SCMH1: variants seen among roughly 807,000 people sequenced by gnomAD.
SCMH1 encodes the protein polycomb protein SCMH1.
Under a neutral mutation model 70.8 loss-of-function variants are expected in SCMH1, and 37 were observed. That is an observed-to-expected ratio of 0.52 (90% CI 0.40 to 0.69). The LOEUF (loss-of-function observed/expected upper bound fraction) is 0.69. Among genes scored for constraint, SCMH1 ranks in the 30% least tolerant of loss-of-function variants. The pLI is 0.00. For synonymous variants in SCMH1, 292 were observed against 307.4 expected (o/e 0.95, Z 0.52); for missense variants, 607 against 827.3 (o/e 0.73, Z 3.27).
At chr1:41,174,904 G>A (rs899602821) in intron 2 of SCMH1, among the ~76,000 whole-genome samples, 3 of 152,166 alleles carry the variant, frequency 2.0e-5, no homozygotes, top group Non-Finnish European at 2.9e-5. Context: ...CCTGGGGAAG[G>A]GGCTAGTGTG....
At chr1:41,067,458 C>CAAAAAAAAAAA (rs60607308) in intron 10 of SCMH1, among the ~76,000 whole-genome samples, 5 of 60,302 alleles carry the variant, frequency 8.3e-5, no homozygotes, top group East Asian at 4.2e-4. Context: ...ACAACAACAA[C>CAAAAAAAAAAA]AAAAAAAAAA....
chr1:41,032,211 G>C (rs558629205), intron 13 of SCMH1, among the ~76,000 whole-genome samples: 1 of 152,228 alleles, frequency 6.6e-6, no homozygotes, highest in East Asian at 1.9e-4. Context: ...AGCCCAAATG[G>C]ACTAAGACGA....
At chr1:41,027,797 G>A (rs1346610922) in exon 15 of SCMH1, 41 of 184,156 alleles carry the variant, frequency 2.2e-4, no homozygotes, top group Non-Finnish European at 2.2e-5. Flanking sequence ...TTTGGATTCA[G>A]GGGAATCTGG....
intron 6 of SCMH1, among the ~76,000 whole-genome samples, chr1:41,119,445 A>C (rs540302913): frequency 2.3e-3 from 185 of 81,038 alleles, no homozygotes; most frequent in African/African-American, 0.017. Flanking sequence ...GGGCAAAAAA[A>C]AAACAAAAAA....
intron 8 of SCMH1, among the ~76,000 whole-genome samples, chr1:41,087,165 G>C (rs1264212435): frequency 6.6e-6 from 1 of 152,100 alleles, no homozygotes; most frequent in Non-Finnish European, 1.5e-5. Context: ...TGGAACAATG[G>C]ATGGCCACTG....
At chr1:41,167,214 C>T (rs907908870) in intron 2 of SCMH1, among the ~76,000 whole-genome samples, 3 of 152,004 alleles carry the variant, frequency 2.0e-5, no homozygotes, top group East Asian at 3.9e-4. Flanking sequence ...TAATATACTA[C>T]GGAATATGGT....
At chr1:41,147,800 C>A (rs1036389947) in intron 5 of SCMH1, among the ~76,000 whole-genome samples, 3 of 152,018 alleles carry the variant, frequency 2.0e-5, no homozygotes, top group Non-Finnish European at 2.9e-5. Context: ...ATTAATATAG[C>A]CATTTCAGCT....
intron 1 of SCMH1, among the ~76,000 whole-genome samples, chr1:41,188,090 A>C (rs1650736670): frequency 6.6e-6 from 1 of 152,230 alleles, no homozygotes; most frequent in South Asian, 2.1e-4. Context: ...TAATGGCACT[A>C]AGGGGCTGGA....
intron 8 of SCMH1, among the ~76,000 whole-genome samples, chr1:41,103,453 AT>A (rs1481134628): frequency 6.6e-6 from 1 of 152,146 alleles, no homozygotes; most frequent in Non-Finnish European, 1.5e-5. Flanking sequence ...AAGGGAAGAA[AT>A]TTAGTAACAC....
intron 8 of SCMH1, among the ~76,000 whole-genome samples, chr1:41,081,879 A>C (rs1422799438): frequency 6.6e-6 from 1 of 152,174 alleles, no homozygotes; most frequent in African/African-American, 2.4e-5. Context: ...ACAGAGCAAA[A>C]TAGAGAGTTC....
chr1:41,107,911 T>G (rs1413877422), intron 8 of SCMH1, among the ~76,000 whole-genome samples: 1 of 152,222 alleles, frequency 6.6e-6, no homozygotes, highest in African/African-American at 2.4e-5. Flanking sequence ...AAGAGAACAT[T>G]CTTTAAGTAT....
intron 1 of SCMH1, among the ~76,000 whole-genome samples, chr1:41,214,720 C>G (rs1400021345): frequency 6.6e-6 from 1 of 152,034 alleles, no homozygotes; most frequent in African/African-American, 2.4e-5. Context: ...AATCTTTTCC[C>G]ATTATACCCT....
intron 5 of SCMH1, among the ~76,000 whole-genome samples, chr1:41,148,388 T>C (rs1231303152): frequency 6.6e-6 from 1 of 152,204 alleles, no homozygotes; most frequent in Non-Finnish European, 1.5e-5. Flanking sequence ...TATCATTTTC[T>C]TTCTGCTTGA....
At position 41,091,512 on chromosome 1, in the gene SCMH1, A is replaced by G. The variant is rs190941209; in HGVS notation, c.746-16061T>C. ...CCCTCTCTCACCACTCCTATTCAACATAGTGTTGGAAGTTCTGGCCAGGGC... is the reference window on the plus strand; with the variant it reads ...CCCTCTCTCACCACTCCTATTCAACGTAGTGTTGGAAGTTCTGGCCAGGGC... On this transcript the variant is annotated intron_variant, in intron 8 of 14. Coordinates refer to ENST00000337495, the Ensembl canonical transcript of SCMH1. Among the ~76,000 whole-genome samples, 410 of 152,336 alleles carry G rather than the reference A, an allele frequency of 2.7e-3. 1 individual carries two copies. The highest frequency in any genetic ancestry group is 9.5e-3 in the African/African-American group (396 of 41,582).
chr1:41,037,570 C>A (rs1276976230), intron 12 of SCMH1, 29 bp from the exon 13 acceptor site: 1 of 1,599,150 alleles, frequency 6.3e-7, no homozygotes. Context: ...AGAGTTAGAG[C>A]TTAGAAGGAC....
chr1:41,135,910 T>C (rs1643231299), intron 6 of SCMH1, among the ~76,000 whole-genome samples: 1 of 152,134 alleles, frequency 6.6e-6, no homozygotes. Flanking sequence ...TGGTGCTTAC[T>C]GTAGGTGCAG....
chr1:41,179,967 A>G (rs1276917078), intron 2 of SCMH1, among the ~76,000 whole-genome samples: 1 of 152,236 alleles, frequency 6.6e-6, no homozygotes, highest in African/African-American at 2.4e-5. Flanking sequence ...AATCCTCAAT[A>G]AAACACTGGC....
At chr1:41,207,296 T>C (rs1234233726) in intron 1 of SCMH1, among the ~76,000 whole-genome samples, 1 of 151,922 alleles carries the variant, frequency 6.6e-6, no homozygotes, top group Non-Finnish European at 1.5e-5. Context: ...AGGAGACCCA[T>C]CTCACGTGCA....
At chr1:41,097,410 A>C (rs1408939779) in intron 8 of SCMH1, among the ~76,000 whole-genome samples, 1 of 152,184 alleles carries the variant, frequency 6.6e-6, no homozygotes, top group African/African-American at 2.4e-5. Context: ...AGCTTAAAGG[A>C]ATGCGGCTCA....
Sources: gnomAD v4.1 joint callset for allele counts (sites outside exome capture counted in the v4.1 genomes callset) on GRCh38, gnomAD v4.1.1 for gene constraint, MANE v1.5 for transcripts, NCBI Gene and HGNC (gene_info 2026-07-23, HGNC 2026-07-21) for gene names.